NKAIN3: variants seen among roughly 807,000 people sequenced by gnomAD.
NKAIN3 encodes sodium/potassium-transporting ATPase subunit beta-1-interacting protein 3.
NKAIN3 carries 25 observed loss-of-function variants against 30.2 expected under a neutral mutation model. That is an observed-to-expected ratio of 0.83 (90% CI 0.60 to 1.16). The LOEUF (loss-of-function observed/expected upper bound fraction) is 1.16. Ranked by LOEUF, NKAIN3 falls within the 50% of genes most tolerant of loss-of-function variation. NKAIN3 has a pLI of 0.00. For missense variants in NKAIN3, 225 were observed against 254.1 expected (o/e 0.89, Z 0.78); for synonymous variants, 91 against 89.6 (o/e 1.02, Z -0.09).
intron 5 of NKAIN3, among the ~76,000 whole-genome samples, chr8:62,942,177 T>TATATATATACACATATATATACACAC (rs1436871238): frequency 4.9e-5 from 7 of 144,024 alleles, no homozygotes; most frequent in Non-Finnish European, 1.0e-4. Flanking sequence ...GCAATATATA[T>TATATATATACACATATATATACACAC]ATATATATAC....
intron 1 of NKAIN3, among the ~76,000 whole-genome samples, chr8:62,470,870 A>G (rs1299853360): frequency 6.6e-6 from 1 of 152,146 alleles, no homozygotes; most frequent in East Asian, 1.9e-4. Context: ...AAATATGTGT[A>G]GATCTTATTG....
At chr8:62,288,079 C>T (rs72649359) in intron 1 of NKAIN3, among the ~76,000 whole-genome samples, 298 of 152,196 alleles carry the variant, frequency 2.0e-3, no homozygotes, top group African/African-American at 3.5e-3. Context: ...CCTAACCCTC[C>T]GAGTAAAATA....
At chr8:62,711,139 C>G (rs934639479) in intron 3 of NKAIN3, among the ~76,000 whole-genome samples, 1 of 152,028 alleles carries the variant, frequency 6.6e-6, no homozygotes, top group African/African-American at 2.4e-5. Flanking sequence ...TTATAGGTTA[C>G]CTGGTACTTC....
chr8:62,510,836 T>C (rs1393962230), intron 1 of NKAIN3, among the ~76,000 whole-genome samples: 2 of 152,094 alleles, frequency 1.3e-5, no homozygotes, highest in Non-Finnish European at 2.9e-5. Flanking sequence ...TTCTTTCACC[T>C]GTTGGACTCT....
intron 1 of NKAIN3, among the ~76,000 whole-genome samples, chr8:62,346,807 A>G (rs1039763508): frequency 6.6e-6 from 1 of 152,126 alleles, no homozygotes; most frequent in African/African-American, 2.4e-5. Context: ...AGATTTATGG[A>G]AAAGACAGGG....
At chr8:62,308,672 A>C (rs2129588490) in intron 1 of NKAIN3, among the ~76,000 whole-genome samples, 1 of 150,564 alleles carries the variant, frequency 6.6e-6, no homozygotes, top group South Asian at 2.1e-4. Flanking sequence ...TAATGAATTA[A>C]CTGTGGGCAA....
chr8:62,989,149 C>A (rs907254870), downstream of NKAIN3, among the ~76,000 whole-genome samples: 1 of 152,190 alleles, frequency 6.6e-6, no homozygotes, highest in African/African-American at 2.4e-5. Context: ...TAGGAAGTTC[C>A]AAACTTTCTC....
chr8:62,331,064 T>TC (rs1437931024), intron 1 of NKAIN3, among the ~76,000 whole-genome samples: 330 of 65,782 alleles, frequency 5.0e-3, no homozygotes, highest in African/African-American at 9.2e-3. Flanking sequence ...CTCCTCCTCC[T>TC]CTCTCTCTCT....
At chr8:62,711,018 A>G (rs1814699386) in intron 3 of NKAIN3, among the ~76,000 whole-genome samples, 2 of 152,152 alleles carry the variant, frequency 1.3e-5, no homozygotes, top group Admixed American at 1.3e-4. Context: ...TGGATAAAAA[A>G]TTCTTGGCTG....
chr8:62,924,433 C>A (rs1822376602), intron 5 of NKAIN3, among the ~76,000 whole-genome samples: 1 of 108,868 alleles, frequency 9.2e-6, no homozygotes, highest in Admixed American at 1.0e-4. Flanking sequence ...TAAAGGGAAC[C>A]CTACACTATT....
intron 1 of NKAIN3, among the ~76,000 whole-genome samples, chr8:62,395,469 AAGTCT>A: frequency 6.6e-6 from 1 of 152,228 alleles, no homozygotes; most frequent in South Asian, 2.1e-4. Context: ...CATGAAAAAA[AAGTCT>A]ATGAAACAAA....
chr8:62,862,634 A>C (rs1441894495), intron 4 of NKAIN3, among the ~76,000 whole-genome samples: 1 of 152,206 alleles, frequency 6.6e-6, no homozygotes, highest in East Asian at 1.9e-4. Flanking sequence ...AAATAGATTC[A>C]ATAGTTTTTA....
intron 3 of NKAIN3, among the ~76,000 whole-genome samples, chr8:62,651,307 A>C (rs911469894): frequency 6.6e-6 from 1 of 152,202 alleles, no homozygotes; most frequent in Non-Finnish European, 1.5e-5. Flanking sequence ...TTAGCACCTT[A>C]TATTATTTGA....
At chr8:62,689,124 T>C (rs1468281398) in intron 3 of NKAIN3, among the ~76,000 whole-genome samples, 1 of 152,216 alleles carries the variant, frequency 6.6e-6, no homozygotes, top group African/African-American at 2.4e-5. Flanking sequence ...CTACAATTTA[T>C]TTCCTTTTGG....
intron 6 of NKAIN3, among the ~76,000 whole-genome samples, chr8:62,957,358 T>G (rs575141208): frequency 6.6e-6 from 1 of 152,288 alleles, no homozygotes; most frequent in African/African-American, 2.4e-5. Flanking sequence ...TTGGTCTCGA[T>G]CTCCTGACCT....
chr8:62,649,847 T>G (rs1219116530), intron 3 of NKAIN3, among the ~76,000 whole-genome samples: 2 of 152,098 alleles, frequency 1.3e-5, no homozygotes. Context: ...GGGGGAAGGT[T>G]CCCCAGTGCT....
intron 1 of NKAIN3, among the ~76,000 whole-genome samples, chr8:62,351,089 T>G (rs1194386959): frequency 6.7e-6 from 1 of 148,976 alleles, no homozygotes; most frequent in Non-Finnish European, 1.5e-5. Context: ...GTATATATAA[T>G]AAATGTATAA....
intron 1 of NKAIN3, among the ~76,000 whole-genome samples, chr8:62,569,455 G>A (rs543390414): frequency 1.3e-5 from 2 of 152,232 alleles, no homozygotes; most frequent in South Asian, 4.1e-4. Context: ...TGGAGTTGAG[G>A]CATATGTGAA....
rs1563920734 is a variant in NKAIN3, at chr8:62,289,906, CTTT to C, written c.54+40781_54+40783del. ...ATGTTCTTCCATTTGTTTGTGTCTT[CTTT>C]TATTTCGTTGAGCAGTGGTTTATAG... On this transcript the variant is annotated intron_variant, in intron 1 of 6. Transcript: ENST00000623646. 2.0e-5 allele frequency among the ~76,000 whole-genome samples: 3 copies of C among 152,238 alleles called. No individual in the cohort carries two copies. The South Asian group carries it at 6.2e-4, about 32-fold the overall frequency.
Sources: allele counts gnomAD v4.1 joint callset (sites outside exome capture counted in the v4.1 genomes callset), GRCh38; gene constraint gnomAD v4.1.1; transcripts MANE v1.5; gene names NCBI Gene and HGNC (gene_info 2026-07-23, HGNC 2026-07-21).